Variants in WFDC3 observed in about 807,000 individuals in gnomAD.
The protein encoded by WFDC3 is WAP four-disulfide core domain 3.
Under a neutral mutation model 25.8 loss-of-function variants are expected in WFDC3, and 15 were observed. The ratio of observed to expected loss-of-function variants is 0.58; its 90% CI spans 0.39 to 0.89. WFDC3 has a LOEUF of 0.89. WFDC3 is among the 40% of genes least tolerant of loss of function. WFDC3 has a pLI of 0.00. For synonymous variants in WFDC3, 103 were observed against 107.1 expected, an observed-to-expected ratio of 0.96 and a Z score of 0.24; for missense variants, 264 against 289.8, an observed-to-expected ratio of 0.91 and a Z score of 0.65.
intron 3 of WFDC3, 133 bp downstream of exon 3, chr20:45,788,798 G>T: frequency 2.4e-6 from 3 of 1,269,556 alleles, no homozygotes; most frequent in Non-Finnish European, 3.2e-6. Flanking sequence ...GACCCTAAAA[G>T]AGTAAAGAAG....
chr20:45,790,105 A>G (rs990141294), intron 1 of WFDC3, 123 bp from the exon 2 acceptor site: 23 of 641,180 alleles, frequency 3.6e-5, no homozygotes, highest in Non-Finnish European at 6.0e-5. Flanking sequence ...CCCTTTCACA[A>G]TACTCCCCAA....
At chr20:45,775,385 T>C in intron 6 of WFDC3, 32 bp downstream of exon 6, 2 of 1,605,878 alleles carry the variant, frequency 1.2e-6, no homozygotes, top group Non-Finnish European at 1.7e-6. Flanking sequence ...AGCAGTTGTC[T>C]GTTATTGTTG....
chr20:45,787,177 C>CT (rs141215025), intron 4 of WFDC3, among the ~76,000 whole-genome samples: 27 of 134,416 alleles, frequency 2.0e-4, no homozygotes, highest in African/African-American at 5.2e-4. Flanking sequence ...CATCAAGATT[C>CT]TTTTTTTTTT....
At chr20:45,776,318 G>GTGTA (rs58644271) in intron 5 of WFDC3, among the ~76,000 whole-genome samples, 5,478 of 139,824 alleles carry the variant, frequency 0.039, 293 homozygotes, top group African/African-American at 0.12. Context: ...GTGTGTGTGT[G>GTGTA]TGTTTCCAGC....
At chr20:45,780,940 C>T (rs1980413965) in intron 4 of WFDC3, among the ~76,000 whole-genome samples, 1 of 152,000 alleles carries the variant, frequency 6.6e-6, no homozygotes, top group Non-Finnish European at 1.5e-5. Flanking sequence ...GGTCTCATGC[C>T]CTTTAAACCA....
At chr20:45,776,373 C>T (rs1980157184) in intron 5 of WFDC3, among the ~76,000 whole-genome samples, 2 of 141,488 alleles carry the variant, frequency 1.4e-5, no homozygotes, top group Admixed American at 1.5e-4. Flanking sequence ...TTTGGGAGGC[C>T]GAGACAGGCA....
At chr20:45,774,740 G>A (rs750588732) in intron 6 of WFDC3, among the ~76,000 whole-genome samples, 3 of 152,114 alleles carry the variant, frequency 2.0e-5, no homozygotes, top group Admixed American at 6.6e-5. Flanking sequence ...TCAGGAGCTC[G>A]AGACCAGACC....
rs200793645 is a variant in WFDC3 at position 45,787,817 on chromosome 20, T to C, written c.358+19A>G. The C allele has an allele frequency of 2.1e-5, 33 of 1,607,238 alleles. No individual in the cohort carries two copies. The East Asian group carries it at 7.4e-4, about 36-fold the overall frequency. The stretch of plus-strand genomic sequence containing the variant: ...AGCAGACCAAACAGACCATGAGGTG[T>C]GGGGACAGCGTTTCTTACCCAGCTT... On this transcript the variant is annotated intron_variant, in intron 4 of 6. Transcript: ENST00000243938.
At chr20:45,782,703 T>A (rs527487038) in intron 4 of WFDC3, among the ~76,000 whole-genome samples, 1 of 152,220 alleles carries the variant, frequency 6.6e-6, no homozygotes, top group African/African-American at 2.4e-5. Flanking sequence ...GTCTGCAGTA[T>A]CTCCAACCCA....
intron 4 of WFDC3, among the ~76,000 whole-genome samples, chr20:45,787,268 T>C (rs1307278600): frequency 7.0e-6 from 1 of 142,080 alleles, no homozygotes; most frequent in African/African-American, 2.6e-5. Flanking sequence ...AATTACCCAG[T>C]GGTTTTCTTT....
chr20:45,774,993 GC>G (rs1480291284), intron 6 of WFDC3, among the ~76,000 whole-genome samples: 2 of 146,886 alleles, frequency 1.4e-5, no homozygotes, highest in South Asian at 2.2e-4. Context: ...TACCCACCCT[GC>G]CCCCACTCCT....
Position 45,788,978 on chromosome 20 carries a change from T to A in WFDC3, c.164A>T (p.Lys55Met). Residue 55 changes from lysine to methionine, a missense_variant, in exon 3 of 7, where the codon AAG becomes ATG. By Grantham distance (95) the Lys-to-Met change is moderately conservative. Transcript: ENST00000243938. ...CCGACCACAGCCTGTGGTGCAGCAC[T>A]TCTGTTCAGCCGGACACAATTCATC... The part of the protein sequence containing the change: ...QGDELCPAEQ[K>M]CCTTGCGRIC... 1 of 1,613,898 alleles carries A rather than the reference T, an allele frequency of 6.2e-7. No homozygotes were observed. Among genetic ancestry groups the A allele is most frequent in the South Asian group, 1.1e-5 (1 of 91,052 alleles).
At chr20:45,777,018 G>C in intron 5 of WFDC3, 57 bp downstream of exon 5, 1 of 1,609,860 alleles carries the variant, frequency 6.2e-7, no homozygotes, top group Non-Finnish European at 8.5e-7. Context: ...GGAAGGGAAA[G>C]AGAAGCACTC....
At chr20:45,777,296 T>C in intron 4 of WFDC3, 87 bp from the exon 5 acceptor site, 11 of 1,152,168 alleles carry the variant, frequency 9.5e-6, no homozygotes, top group African/African-American at 1.6e-5. Context: ...TTATATATAG[T>C]TATATATTTA....
chr20:45,789,547 T>C (rs1183066448), intron 2 of WFDC3, among the ~76,000 whole-genome samples: 5 of 151,172 alleles, frequency 3.3e-5, no homozygotes, highest in African/African-American at 1.2e-4. Flanking sequence ...CCCCTCCTCA[T>C]ACACAAATAC....
At chr20:45,790,140 A>C (rs1980887378) in intron 1 of WFDC3, 158 bp from the exon 2 acceptor site, 1 of 570,816 alleles carries the variant, frequency 1.8e-6, no homozygotes, top group Admixed American at 3.2e-5. Context: ...GACAAGAAGA[A>C]GAGGGATTGG....
intron 4 of WFDC3, chr20:45,778,705 A>T (rs577852241): frequency 2.0e-5 from 3 of 152,294 alleles, no homozygotes; most frequent in African/African-American, 7.2e-5. Context: ...GAGGTGTTGT[A>T]TGAAAGGAGA....
chr20:45,778,451 T>G (rs1223024186), intron 4 of WFDC3, among the ~76,000 whole-genome samples: 3 of 152,260 alleles, frequency 2.0e-5, no homozygotes. Context: ...AAGTTTATTC[T>G]GAGAGGCAAC....
chr20:45,787,282 C>CTTTTTT (rs1158318114), intron 4 of WFDC3, among the ~76,000 whole-genome samples: 22 of 73,678 alleles, frequency 3.0e-4, no homozygotes, highest in Non-Finnish European at 4.0e-4. Context: ...TTTCTTTTTT[C>CTTTTTT]TTTTTTTTTT....
Sources: gnomAD v4.1 joint callset for allele counts (sites outside exome capture counted in the v4.1 genomes callset) on GRCh38, gnomAD v4.1.1 for gene constraint, MANE v1.5 for transcripts, NCBI Gene and HGNC (gene_info 2026-07-23, HGNC 2026-07-21) for gene names.